Variants in SMYD3 observed in about 807,000 individuals in gnomAD.
SMYD3 encodes the protein SET and MYND domain containing 3.
SMYD3 carries 36 observed loss-of-function variants against 57.7 expected under a neutral mutation model. That is an observed-to-expected ratio of 0.62 (90% CI 0.48 to 0.82). The LOEUF is 0.82. Ranked by LOEUF, SMYD3 falls within the 40% of genes least tolerant of loss-of-function variation. The pLI is 0.00. For synonymous variants in SMYD3, 211 were observed against 195.0 expected, an observed-to-expected ratio of 1.08 and a Z score of -0.68; for missense variants, 515 against 538.8, an observed-to-expected ratio of 0.96 and a Z score of 0.44.
chr1:246,246,182 T>G (rs1185322448), intron 5 of SMYD3, among the ~76,000 whole-genome samples: 1 of 152,206 alleles, frequency 6.6e-6, no homozygotes, highest in Non-Finnish European at 1.5e-5. Flanking sequence ...AAAGTTGACA[T>G]TCAATTATGG....
intron 5 of SMYD3, among the ~76,000 whole-genome samples, chr1:246,103,948 T>G (rs2061069456): frequency 6.6e-6 from 1 of 152,194 alleles, no homozygotes; most frequent in Non-Finnish European, 1.5e-5. Context: ...GAAGAAAACC[T>G]TGTTCAGATG....
intron 5 of SMYD3, among the ~76,000 whole-genome samples, chr1:245,979,258 A>G (rs2058535283): frequency 6.6e-6 from 1 of 152,184 alleles, no homozygotes; most frequent in African/African-American, 2.4e-5. Context: ...GGGATGGGCT[A>G]GGGGTGAATA....
rs1013996591 is a variant in SMYD3, at chr1:246,232,621, T to C, written c.531+94580A>G. ...ACACAGAGGAGAAGCACTCCTTCAA[T>C]TCACACAGTGATGAACATATTCCAC... is the stretch of plus-strand genomic sequence containing the variant. On this transcript the variant is annotated intron_variant, in intron 5 of 11. Transcript: ENST00000490107. Among the ~76,000 whole-genome samples the C allele has an allele frequency of 3.9e-4, 54 of 138,868 alleles. 1 individual carries two copies. The highest frequency in any genetic ancestry group is 7.0e-4 in the Non-Finnish European group (45 of 64,466). The allele number at this position is 138,868 out of a possible 152,430, so 91.1% of individuals were successfully genotyped here. A position where few individuals can be genotyped will look rare whatever the true frequency, so the allele number is the denominator to read the frequency against.
At chr1:246,150,076 T>C (rs2061918526) in intron 5 of SMYD3, among the ~76,000 whole-genome samples, 1 of 152,352 alleles carries the variant, frequency 6.6e-6, no homozygotes, top group South Asian at 2.1e-4. Context: ...ATTGATTCTA[T>C]AGAAGAAAAC....
At chr1:245,832,485 GT>G (rs10578766) in intron 10 of SMYD3, among the ~76,000 whole-genome samples, 24,043 of 148,668 alleles carry the variant, frequency 0.16, 2,884 homozygotes, top group African/African-American at 0.32. Context: ...TGTTTTTTTT[GT>G]TTTTTTTTTT....
At chr1:246,011,230 A>C (rs1406513332) in intron 5 of SMYD3, among the ~76,000 whole-genome samples, 1 of 152,170 alleles carries the variant, frequency 6.6e-6, no homozygotes, top group Non-Finnish European at 1.5e-5. Flanking sequence ...GAAATTGCCA[A>C]AGGTTGAAAA....
chr1:246,459,228 C>G (rs2067755212), intron 1 of SMYD3, among the ~76,000 whole-genome samples: 1 of 150,748 alleles, frequency 6.6e-6, no homozygotes, highest in East Asian at 2.0e-4. Flanking sequence ...TGTGACACGT[C>G]CCCCTTCACT....
At chr1:245,996,124 T>C (rs1176066159) in intron 5 of SMYD3, among the ~76,000 whole-genome samples, 2 of 152,228 alleles carry the variant, frequency 1.3e-5, no homozygotes, top group Non-Finnish European at 2.9e-5. Context: ...CTTGTTTAAT[T>C]TCATAAATAC....
intron 10 of SMYD3, among the ~76,000 whole-genome samples, chr1:245,800,742 TC>T (rs1172105751): frequency 6.6e-6 from 1 of 152,148 alleles, no homozygotes; most frequent in Non-Finnish European, 1.5e-5. Context: ...GTAGTGGACA[TC>T]CCAACACCAT....
chr1:246,479,154 A>C (rs958202611), intron 1 of SMYD3, among the ~76,000 whole-genome samples: 3 of 148,850 alleles, frequency 2.0e-5, no homozygotes, highest in Non-Finnish European at 4.5e-5. Flanking sequence ...CATATATGTA[A>C]ACCTGTCCTC....
chr1:246,322,462 G>C (rs2065266351), intron 5 of SMYD3: 1 of 151,820 alleles, frequency 6.6e-6, no homozygotes, highest in Admixed American at 6.6e-5. Flanking sequence ...AGGAGAAACA[G>C]CTTGTAGAGA....
chr1:245,851,979 CTA>C (rs1171564130), intron 10 of SMYD3, among the ~76,000 whole-genome samples: 1 of 152,178 alleles, frequency 6.6e-6, no homozygotes, highest in Non-Finnish European at 1.5e-5. Flanking sequence ...CCAGTAGGGG[CTA>C]CACATACATC....
chr1:245,930,023 A>C, intron 5 of SMYD3, 86 bp from the exon 6 acceptor site: 5 of 1,077,386 alleles, frequency 4.6e-6, no homozygotes, highest in Non-Finnish European at 7.1e-6. Flanking sequence ...TCAAACCCAA[A>C]TGTAGGAGCA....
At chr1:245,915,480 C>A in intron 8 of SMYD3, 50 bp downstream of exon 8, 1 of 1,172,286 alleles carries the variant, frequency 8.5e-7, no homozygotes, top group Non-Finnish European at 1.3e-6. Flanking sequence ...CTCTGAAGAT[C>A]ATTGAGATTT....
At chr1:246,376,574 G>C (rs893775352) in intron 1 of SMYD3, among the ~76,000 whole-genome samples, 1 of 134,024 alleles carries the variant, frequency 7.5e-6, no homozygotes, top group Non-Finnish European at 1.5e-5. Flanking sequence ...CTGGGCAACA[G>C]TGCGACACTC....
At chr1:245,792,422 G>A (rs1248807799) in intron 10 of SMYD3, among the ~76,000 whole-genome samples, 1 of 152,200 alleles carries the variant, frequency 6.6e-6, no homozygotes, top group Admixed American at 6.5e-5. Flanking sequence ...TTGGTAATCA[G>A]ATTTTGTAAA....
chr1:246,436,900 C>CTTTT lies in SMYD3; in HGVS notation c.164+70150_164+70153dup, dbSNP rs61263648. The stretch of plus-strand genomic sequence containing the variant: ...ATAAGGGTCCTGCCAGAGTTTCTTT[C>CTTTT]TTTTTTTTTTTTTTTTTTGAGACAG... On this transcript the variant is annotated intron_variant, in intron 1 of 11. Coordinates refer to ENST00000490107, the MANE Select transcript of SMYD3 (RefSeq NM_001167740.2). Among the ~76,000 whole-genome samples, 2,291 of 128,352 alleles carry CTTTT rather than the reference C, an allele frequency of 0.018. 165 individuals carry two copies. In the East Asian group the frequency reaches 0.2, roughly 11 times the overall value. The allele number at this position is 128,352 out of a possible 152,430, so 84.2% of individuals were successfully genotyped here.
chr1:246,114,117 T>A (rs2061303323), intron 5 of SMYD3, among the ~76,000 whole-genome samples: 1 of 146,666 alleles, frequency 6.8e-6, no homozygotes, highest in African/African-American at 2.7e-5. Context: ...AGCACTAATT[T>A]CAGATGGGCT....
chr1:245,997,878 TC>T lies in SMYD3; in HGVS notation c.532-67942del, dbSNP rs1341952843. 2.6e-5 allele frequency among the ~76,000 whole-genome samples: 4 copies of T among 152,176 alleles called. No individual in the cohort carries two copies. The East Asian group carries it at 7.7e-4, about 29-fold the overall frequency. Reference sequence around the variant, plus strand: ...TAAGTGTGTCTTCAAGCCCTACACTTCCCTGGAGAGATCACAGCTTTCTCTG... The same window carrying T: ...TAAGTGTGTCTTCAAGCCCTACACTTCCTGGAGAGATCACAGCTTTCTCTG... On this transcript the variant is annotated intron_variant, in intron 5 of 11. Transcript: ENST00000490107.
Sources: allele counts gnomAD v4.1 joint callset (sites outside exome capture counted in the v4.1 genomes callset), GRCh38; gene constraint gnomAD v4.1.1; transcripts MANE v1.5; gene names NCBI Gene and HGNC (gene_info 2026-07-23, HGNC 2026-07-21).